SLC24A2: variants seen among roughly 807,000 people sequenced by gnomAD.
SLC24A2 encodes solute carrier family 24 member 2.
Under a neutral mutation model 62.0 loss-of-function variants are expected in SLC24A2, and 36 were observed. The ratio of observed to expected loss-of-function variants is 0.58; its 90% confidence interval spans 0.44 to 0.77. SLC24A2 has a LOEUF of 0.77. Ranked by LOEUF, SLC24A2 falls within the 30% of genes least tolerant of loss-of-function variation. The pLI, the probability that SLC24A2 is intolerant of heterozygous loss-of-function variation, is 0.00. For missense variants in SLC24A2, 846 were observed against 817.9 expected (o/e 1.03, Z -0.42); for synonymous variants, 358 against 294.0 (o/e 1.22, Z -2.23).
intron 2 of SLC24A2, among the ~76,000 whole-genome samples, chr9:19,746,827 C>T (rs1225256484): frequency 2.6e-5 from 4 of 152,196 alleles, no homozygotes; most frequent in Admixed American, 1.3e-4. Context: ...TAGCAAGAAC[C>T]TTTGCAAAAG....
chr9:19,832,294 GACTA>G, the SLC24A2 span, among the ~76,000 whole-genome samples: 11 of 152,332 alleles, frequency 7.2e-5, no homozygotes, highest in South Asian at 1.2e-3. Flanking sequence ...GATTTTAAAT[GACTA>G]ACTACTTCAA....
At chr9:20,113,971 C>A in the SLC24A2 span, among the ~76,000 whole-genome samples, 3 of 152,148 alleles carry the variant, frequency 2.0e-5, no homozygotes, top group Non-Finnish European at 4.4e-5. Context: ...GAGGTGAACC[C>A]TATGATTGCC....
At chr9:19,638,446 A>C (rs1200871827) in intron 2 of SLC24A2, among the ~76,000 whole-genome samples, 4 of 152,228 alleles carry the variant, frequency 2.6e-5, no homozygotes, top group Non-Finnish European at 4.4e-5. Flanking sequence ...TATTGAATAC[A>C]AAATCCACAA....
chr9:19,957,017 T>C, the SLC24A2 span, among the ~76,000 whole-genome samples: 1 of 152,222 alleles, frequency 6.6e-6, no homozygotes, highest in African/African-American at 2.4e-5. Context: ...CTGATGTTTA[T>C]AAGCCATCCA....
intron 4 of SLC24A2, among the ~76,000 whole-genome samples, chr9:19,611,032 G>C (rs528457505): frequency 1.6e-4 from 25 of 152,276 alleles, no homozygotes; most frequent in African/African-American, 5.3e-4. Context: ...AGCAGGGAGA[G>C]GGAGAGTGAG....
the SLC24A2 span, among the ~76,000 whole-genome samples, chr9:20,253,720 A>C: frequency 6.6e-6 from 1 of 152,220 alleles, no homozygotes; most frequent in East Asian, 1.9e-4. Context: ...TGAGTGATCC[A>C]GTAGCAGAGA....
chr9:20,199,461 G>A, the SLC24A2 span, among the ~76,000 whole-genome samples: 1 of 152,118 alleles, frequency 6.6e-6, no homozygotes, highest in African/African-American at 2.4e-5. Context: ...TTGGCATCTG[G>A]GGGGTGTCCT....
the SLC24A2 span, among the ~76,000 whole-genome samples, chr9:19,872,024 T>C: frequency 6.6e-6 from 1 of 152,136 alleles, no homozygotes; most frequent in Non-Finnish European, 1.5e-5. Flanking sequence ...TCTTGGTGTA[T>C]GGACCAATTA....
intron 5 of SLC24A2, among the ~76,000 whole-genome samples, chr9:19,578,013 C>T (rs1836083056): frequency 6.6e-6 from 1 of 151,178 alleles, no homozygotes; most frequent in African/African-American, 2.4e-5. Flanking sequence ...CGTGTGTTCT[C>T]ACTGATACAT....
the SLC24A2 span, among the ~76,000 whole-genome samples, chr9:20,117,346 G>C: frequency 6.6e-6 from 1 of 152,080 alleles, no homozygotes; most frequent in African/African-American, 2.4e-5. Flanking sequence ...CTGATATCAG[G>C]CTACATACTA....
the SLC24A2 span, among the ~76,000 whole-genome samples, chr9:20,104,724 A>C: frequency 6.6e-6 from 1 of 152,194 alleles, no homozygotes; most frequent in Admixed American, 6.5e-5. Flanking sequence ...AGGAACAACC[A>C]GTACCAGCCA....
At chr9:19,864,986 T>C in the SLC24A2 span, among the ~76,000 whole-genome samples, 1 of 151,850 alleles carries the variant, frequency 6.6e-6, no homozygotes, top group Admixed American at 6.6e-5. Flanking sequence ...TTTAATAAAG[T>C]TGCAGGATAC....
the SLC24A2 span, among the ~76,000 whole-genome samples, chr9:19,925,925 C>T: frequency 6.6e-6 from 1 of 152,182 alleles, no homozygotes; most frequent in Non-Finnish European, 1.5e-5. Context: ...ATTTCCAAGC[C>T]AACCTCCATT....
the SLC24A2 span, chr9:19,929,113 A>T: frequency 6.6e-6 from 1 of 152,176 alleles, no homozygotes; most frequent in African/African-American, 2.4e-5. Flanking sequence ...CTGGAGAATA[A>T]CCTGTATGCC....
At chr9:19,595,264 G>C (rs891468500) in intron 5 of SLC24A2, among the ~76,000 whole-genome samples, 4 of 151,322 alleles carry the variant, frequency 2.6e-5, no homozygotes, top group African/African-American at 4.8e-5. Flanking sequence ...TATGGAATCA[G>C]CCTTGCCTTT....
chr9:20,159,268 C>G, the SLC24A2 span, among the ~76,000 whole-genome samples: 2 of 151,696 alleles, frequency 1.3e-5, no homozygotes, highest in Admixed American at 1.3e-4. Context: ...CCATTAACGC[C>G]CCTCTTAGGA....
intron 7 of SLC24A2, among the ~76,000 whole-genome samples, chr9:19,556,417 G>C (rs1279850094): frequency 6.6e-6 from 1 of 152,168 alleles, no homozygotes; most frequent in East Asian, 1.9e-4. Context: ...CAAGATTCCA[G>C]AGTGAAGGTG....
the SLC24A2 span, among the ~76,000 whole-genome samples, chr9:19,970,777 C>T: frequency 6.6e-6 from 1 of 152,138 alleles, no homozygotes; most frequent in Admixed American, 6.6e-5. Context: ...AAGTATTCTA[C>T]AGAGTCTGTT....
At chr9:20,056,182 T>C in the SLC24A2 span, among the ~76,000 whole-genome samples, 2 of 152,186 alleles carry the variant, frequency 1.3e-5, no homozygotes, top group Non-Finnish European at 2.9e-5. Context: ...GCTGATAGTA[T>C]CCATTTTTCC....
Sources: gnomAD v4.1 joint callset for allele counts (sites outside exome capture counted in the v4.1 genomes callset) on GRCh38, gnomAD v4.1.1 for gene constraint, MANE v1.5 for transcripts, NCBI Gene and HGNC (gene_info 2026-07-23, HGNC 2026-07-21) for gene names.